The following AAK1 variants were observed in gnomAD, a reference collection of about 807,000 sequenced individuals.
AAK1 encodes the protein AP2 associated kinase 1.
In AAK1, 37 loss-of-function variants were observed where a neutral mutation model predicts 116.0. The observed-to-expected ratio is 0.32, with a 90% CI of 0.25 to 0.42. The LOEUF (loss-of-function observed/expected upper bound fraction) is 0.42, where lower values mean the gene tolerates loss of function less well. AAK1 is among the 10% of genes least tolerant of loss of function. The pLI, the probability that AAK1 is intolerant of heterozygous loss-of-function variation, is 1.00. For missense variants in AAK1, 919 were observed against 1,170.6 expected (o/e 0.79, Z 3.14); for synonymous variants, 458 against 439.9 (o/e 1.04, Z -0.51).
chr2:69,591,522 TC>T (rs1401227520), intron 2 of AAK1, among the ~76,000 whole-genome samples: 2,090 of 136,206 alleles, frequency 0.015, 108 homozygotes, highest in African/African-American at 0.05. Context: ...TTTTTCTTTT[TC>T]TTTTTTTTTT....
intron 2 of AAK1, among the ~76,000 whole-genome samples, chr2:69,577,039 T>C (rs2105133933): frequency 6.6e-6 from 1 of 152,338 alleles, no homozygotes; most frequent in Middle Eastern, 3.4e-3. Flanking sequence ...GAGATTCAGC[T>C]CTGCGCCAAG....
chr2:69,546,548 C>T (rs1356347150), intron 3 of AAK1, among the ~76,000 whole-genome samples: 1 of 152,162 alleles, frequency 6.6e-6, no homozygotes, highest in Non-Finnish European at 1.5e-5. Context: ...AGACTCATAT[C>T]CCTACATTTA....
At chr2:69,607,504 C>T (rs1048281280) in intron 2 of AAK1, among the ~76,000 whole-genome samples, 1 of 152,036 alleles carries the variant, frequency 6.6e-6, no homozygotes, top group African/African-American at 2.4e-5. Context: ...TCCCACAAGC[C>T]CCCAAAATGG....
intron 2 of AAK1, among the ~76,000 whole-genome samples, chr2:69,601,267 C>A (rs943081984): frequency 2.6e-5 from 4 of 152,236 alleles, no homozygotes; most frequent in African/African-American, 9.6e-5. Context: ...CTCTGACATA[C>A]TAAAAACTAC....
chr2:69,568,412 T>C (rs1166846102), intron 2 of AAK1, among the ~76,000 whole-genome samples: 1 of 151,114 alleles, frequency 6.6e-6, no homozygotes, highest in Non-Finnish European at 1.5e-5. Context: ...CAAAGGTATA[T>C]AAATGTTTTC....
At chr2:69,540,109 T>C in intron 5 of AAK1, among the ~76,000 whole-genome samples, 1 of 148,084 alleles carries the variant, frequency 6.8e-6, no homozygotes, top group Admixed American at 6.6e-5. Context: ...ATGCATTCCC[T>C]GCCCCACTTG....
intron 2 of AAK1, among the ~76,000 whole-genome samples, chr2:69,575,415 A>G (rs1380974606): frequency 6.6e-6 from 1 of 152,096 alleles, no homozygotes; most frequent in Non-Finnish European, 1.5e-5. Flanking sequence ...TTTTACTGCA[A>G]TATTTTTTAA....
intron 2 of AAK1, among the ~76,000 whole-genome samples, chr2:69,567,331 C>CA: frequency 6.6e-6 from 1 of 152,296 alleles, no homozygotes. Context: ...TTGGTATACA[C>CA]AGCACCCTCT....
At chr2:69,547,086 G>A (rs561340858) in intron 3 of AAK1, among the ~76,000 whole-genome samples, 3 of 152,168 alleles carry the variant, frequency 2.0e-5, no homozygotes, top group Admixed American at 1.3e-4. Flanking sequence ...GCTGGGACAA[G>A]TGGGAATTAT....
chr2:69,494,530 G>C (rs967019866), intron 17 of AAK1, among the ~76,000 whole-genome samples: 2 of 152,126 alleles, frequency 1.3e-5, no homozygotes, highest in Admixed American at 6.5e-5. Context: ...ACCTGAAGGG[G>C]TGTCAAAAGG....
At chr2:69,512,111 T>C (rs1285908031) in intron 13 of AAK1, among the ~76,000 whole-genome samples, 1 of 152,078 alleles carries the variant, frequency 6.6e-6, no homozygotes, top group East Asian at 1.9e-4. Context: ...CATGATGCCA[T>C]CCCATCCAAA....
chr2:69,583,439 C>T (rs1672628797), intron 2 of AAK1, among the ~76,000 whole-genome samples: 1 of 152,204 alleles, frequency 6.6e-6, no homozygotes, highest in African/African-American at 2.4e-5. Context: ...GCTCCAATCA[C>T]TCTGATCTCC....
At chr2:69,526,105 T>C (rs148223814) in intron 9 of AAK1, among the ~76,000 whole-genome samples, 46 of 152,326 alleles carry the variant, frequency 3.0e-4, no homozygotes, top group African/African-American at 1.1e-3. Flanking sequence ...CTGTTAAGAC[T>C]GTAGAAAAAC....
At chr2:69,604,106 C>G (rs1673695743) in intron 2 of AAK1, among the ~76,000 whole-genome samples, 1 of 152,198 alleles carries the variant, frequency 6.6e-6, no homozygotes, top group South Asian at 2.1e-4. Flanking sequence ...GCTGCAGTAA[C>G]CTGACTCTCC....
At position 69,465,793 on chromosome 2, in the gene AAK1, G is replaced by T. The variant is rs1189825250; in HGVS notation, c.*10076C>A. 1 of 1,290,856 alleles carries T rather than the reference G, an allele frequency of 7.7e-7. No individual in the cohort carries two copies. Among genetic ancestry groups the T allele is most frequent in the South Asian group, 1.2e-5 (1 of 81,024 alleles). 80.0% of individuals were successfully genotyped at this position (1,290,856 alleles called of 1,614,324 possible). ...AGATGGTCTGCTGCTTGTACAGAAT[G>T]GGACAGGAGGTTAGACTGTTGCACA... On this transcript the variant is annotated 3_prime_UTR_variant, in exon 22 of 22. Transcript: ENST00000409085.
chr2:69,573,347 G>A (rs1234311319), intron 2 of AAK1, among the ~76,000 whole-genome samples: 1 of 152,226 alleles, frequency 6.6e-6, no homozygotes, highest in African/African-American at 2.4e-5. Flanking sequence ...ACACGGTTTA[G>A]ACAAGATATA....
Position 69,527,325 on chromosome 2 carries a change from G to A in AAK1, c.872-6C>T, listed in dbSNP as rs145362283. ...GTCTGGTTCCAACATATACCCTAAG[G>A]CAAACATGTGAATTTATTTAATAAT... On this transcript the variant is annotated splice_region_variant and splice_polypyrimidine_tract_variant and intron_variant, in intron 8 of 21. Coordinates refer to ENST00000409085, the MANE Select transcript of AAK1 (RefSeq NM_014911.5). The A allele has an allele frequency of 3.7e-5, 57 of 1,540,660 alleles. No individual in the cohort carries two copies. Among genetic ancestry groups the A allele is most frequent in the African/African-American group, 6.8e-5 (5 of 73,592 alleles).
chr2:69,522,919 T>TAG (rs1213336087), intron 10 of AAK1, among the ~76,000 whole-genome samples: 1 of 152,144 alleles, frequency 6.6e-6, no homozygotes, highest in Non-Finnish European at 1.5e-5. Flanking sequence ...GGGAACATAT[T>TAG]AGAGCAATGG....
At chr2:69,595,435 T>G (rs1313015301) in intron 2 of AAK1, among the ~76,000 whole-genome samples, 3 of 152,196 alleles carry the variant, frequency 2.0e-5, no homozygotes, top group African/African-American at 7.2e-5. Context: ...AAATTTGAAG[T>G]GCTACATGAA....
Sources: gnomAD v4.1 joint callset for allele counts (sites outside exome capture counted in the v4.1 genomes callset) on GRCh38, gnomAD v4.1.1 for gene constraint, MANE v1.5 for transcripts, NCBI Gene and HGNC (gene_info 2026-07-23, HGNC 2026-07-21) for gene names.